The following SIAH3 variants were observed in gnomAD, a reference collection of about 807,000 sequenced individuals.
SIAH3 encodes siah E3 ubiquitin protein ligase family member 3.
A neutral mutation model predicts 12.6 loss-of-function variants in SIAH3; 9 were observed. That is an observed-to-expected ratio of 0.72 (90% CI 0.43 to 1.25). The LOEUF is 1.25. SIAH3 is among the 50% of genes most tolerant of loss of function. The pLI is 0.00. For synonymous variants in SIAH3, 154 were observed against 151.1 expected (o/e 1.02, Z -0.14); for missense variants, 390 against 365.4 (o/e 1.07, Z -0.55).
intron 1 of SIAH3, among the ~76,000 whole-genome samples, chr13:45,815,189 C>T (rs1377067671): frequency 6.6e-6 from 1 of 151,446 alleles, no homozygotes; most frequent in Non-Finnish European, 1.5e-5. Context: ...GTCAACTTGG[C>T]TAGGCCATGG....
intron 1 of SIAH3, among the ~76,000 whole-genome samples, chr13:45,831,969 G>A (rs1037841706): frequency 1.3e-5 from 2 of 152,168 alleles, no homozygotes; most frequent in East Asian, 3.8e-4. Flanking sequence ...TGGTTGGTTG[G>A]CCTGAGAAGA....
At chr13:45,798,310 G>A (rs1950569861) in intron 1 of SIAH3, among the ~76,000 whole-genome samples, 2 of 152,146 alleles carry the variant, frequency 1.3e-5, no homozygotes, top group African/African-American at 4.8e-5. Flanking sequence ...CCATTCTGCT[G>A]TTACATAGTG....
chr13:45,818,652 C>A (rs113449377), intron 1 of SIAH3, among the ~76,000 whole-genome samples: 1,773 of 152,370 alleles, frequency 0.012, 20 homozygotes, highest in South Asian at 0.02. Flanking sequence ...TCAAATCTTT[C>A]TCTGTTCTGT....
At chr13:45,836,147 G>A (rs1027055675) in intron 1 of SIAH3, among the ~76,000 whole-genome samples, 4 of 152,190 alleles carry the variant, frequency 2.6e-5, no homozygotes, top group African/African-American at 9.7e-5. Context: ...GAACGAGTGA[G>A]GCAGATAGAG....
At position 45,780,305 on chromosome 13, in the gene SIAH3, T is replaced by G. The variant is rs2137544219; in HGVS notation, c.*3078A>C. 1 of 152,020 alleles carries G rather than the reference T, an allele frequency of 6.6e-6. No homozygotes were observed. The highest frequency in any genetic ancestry group is 2.1e-4 in the South Asian group (1 of 4,794). The allele number at this position is 152,020 out of a possible 1,614,324, so 9.4% of individuals were successfully genotyped here. ...TTTCTAAAGAGATAGGGTCTCACTC[T>G]GTTGCCCAGGCTGGAGTTACAAGTG... On this transcript the variant is annotated 3_prime_UTR_variant, in exon 2 of 2. Coordinates refer to ENST00000400405, the MANE Select transcript of SIAH3 (RefSeq NM_198849.3).
At chr13:45,826,329 A>C in intron 1 of SIAH3, among the ~76,000 whole-genome samples, 1 of 151,808 alleles carries the variant, frequency 6.6e-6, no homozygotes, top group Admixed American at 6.6e-5. Context: ...ATTTAAATGG[A>C]TGGATGGATG....
intron 1 of SIAH3, among the ~76,000 whole-genome samples, chr13:45,792,440 C>A (rs1001523190): frequency 6.6e-6 from 1 of 151,500 alleles, no homozygotes; most frequent in Non-Finnish European, 1.5e-5. Context: ...TCATTGCAAC[C>A]TTCGCCTCCT....
intron 1 of SIAH3, among the ~76,000 whole-genome samples, chr13:45,847,317 G>T (rs1321936214): frequency 5.9e-5 from 9 of 152,190 alleles, no homozygotes; most frequent in Non-Finnish European, 1.3e-4. Context: ...CACCTGCTGT[G>T]CTGTATGAAA....
chr13:45,820,374 T>C (rs1208623184), intron 1 of SIAH3, among the ~76,000 whole-genome samples: 6 of 152,188 alleles, frequency 3.9e-5, no homozygotes. Flanking sequence ...GAGAAGGGTC[T>C]GGGCTGCGGG....
At chr13:45,790,075 AAGTC>A (rs1394123969) in intron 1 of SIAH3, among the ~76,000 whole-genome samples, 3 of 152,178 alleles carry the variant, frequency 2.0e-5, no homozygotes, top group African/African-American at 7.2e-5. Flanking sequence ...TCCAGCTGCT[AAGTC>A]AGGACTTCTG....
intron 1 of SIAH3, among the ~76,000 whole-genome samples, chr13:45,785,724 C>T (rs1475962576): frequency 6.6e-6 from 1 of 152,186 alleles, no homozygotes; most frequent in African/African-American, 2.4e-5. Flanking sequence ...CATTCTTCCC[C>T]CAGAAGTGTG....
intron 1 of SIAH3, among the ~76,000 whole-genome samples, chr13:45,789,728 T>A (rs1352621304): frequency 2.0e-5 from 3 of 152,158 alleles, no homozygotes; most frequent in Non-Finnish European, 4.4e-5. Context: ...ATTTTTAAAC[T>A]ATACTCTAGG....
chr13:45,818,890 C>G (rs1049063048), intron 1 of SIAH3, among the ~76,000 whole-genome samples: 3 of 152,200 alleles, frequency 2.0e-5, no homozygotes, highest in African/African-American at 7.2e-5. Flanking sequence ...CATGATAAGA[C>G]AGTCATTCAT....
chr13:45,801,098 G>GGGA (rs1555257357), intron 1 of SIAH3, among the ~76,000 whole-genome samples: 1 of 122,884 alleles, frequency 8.1e-6, no homozygotes, highest in African/African-American at 3.0e-5. Context: ...TGGGTGGCGG[G>GGGA]GGGGGGCATG....
At chr13:45,836,265 C>T (rs1445356714) in intron 1 of SIAH3, among the ~76,000 whole-genome samples, 2 of 152,210 alleles carry the variant, frequency 1.3e-5, no homozygotes, top group African/African-American at 4.8e-5. Context: ...TGCATATGTT[C>T]ATTGCATCAC....
At chr13:45,833,493 G>GCA (rs139611164) in intron 1 of SIAH3, among the ~76,000 whole-genome samples, 30,794 of 150,420 alleles carry the variant, frequency 0.2, 3,561 homozygotes, top group East Asian at 0.38. Flanking sequence ...ACACACACAC[G>GCA]CACACACACA....
chr13:45,840,671 C>A (rs1046252813), intron 1 of SIAH3, among the ~76,000 whole-genome samples: 25 of 152,130 alleles, frequency 1.6e-4, no homozygotes, highest in African/African-American at 5.6e-4. Context: ...CCACCCCGAG[C>A]CGGAGCATCT....
chr13:45,787,658 T>C (rs1482199171), intron 1 of SIAH3, among the ~76,000 whole-genome samples: 1 of 152,224 alleles, frequency 6.6e-6, no homozygotes, highest in Non-Finnish European at 1.5e-5. Flanking sequence ...AAGTTCCAAG[T>C]GGCTGAGAGG....
intron 1 of SIAH3, among the ~76,000 whole-genome samples, chr13:45,808,225 G>T (rs193288984): frequency 2.0e-4 from 31 of 152,234 alleles, no homozygotes; most frequent in African/African-American, 5.3e-4. Context: ...GTTAATAAGG[G>T]CAAACTATAC....
Sources: allele counts gnomAD v4.1 joint callset (sites outside exome capture counted in the v4.1 genomes callset), GRCh38; gene constraint gnomAD v4.1.1; transcripts MANE v1.5; gene names NCBI Gene and HGNC (gene_info 2026-07-23, HGNC 2026-07-21).